The following CD226 variants were observed in gnomAD, a reference collection of about 807,000 sequenced individuals.
CD226 encodes CD226 antigen.
CD226 carries 24 observed loss-of-function variants against 34.9 expected under a neutral mutation model. The ratio of observed to expected loss-of-function variants is 0.69; its 90% CI spans 0.50 to 0.97. The LOEUF (loss-of-function observed/expected upper bound fraction) is 0.97, where lower values mean the gene tolerates loss of function less well. Ranked by LOEUF, CD226 falls within the 50% of genes least tolerant of loss-of-function variation. The probability of loss-of-function intolerance (pLI) is 0.00; values close to 1 mark genes in which losing one functional copy is unlikely to be tolerated. For synonymous variants in CD226, 148 were observed against 147.4 expected (o/e 1.00, Z -0.03); for missense variants, 397 against 412.7 (o/e 0.96, Z 0.33).
intron 2 of CD226, among the ~76,000 whole-genome samples, chr18:69,938,511 G>T (rs552163031): frequency 3.3e-5 from 5 of 152,150 alleles, no homozygotes; most frequent in Non-Finnish European, 7.3e-5. Context: ...CTGGTTTGTT[G>T]TTCCATAATT....
At chr18:69,922,787 C>T (rs970317261) in intron 2 of CD226, among the ~76,000 whole-genome samples, 1 of 152,136 alleles carries the variant, frequency 6.6e-6, no homozygotes, top group African/African-American at 2.4e-5. Context: ...ATACAGCTTT[C>T]AAGTAGTGAG....
chr18:69,896,609 C>A (rs1409765922), intron 2 of CD226, among the ~76,000 whole-genome samples: 1 of 152,070 alleles, frequency 6.6e-6, no homozygotes, highest in Admixed American at 6.5e-5. Flanking sequence ...ACTTGGTTAA[C>A]CATGTAGTGA....
At position 69,901,878 on chromosome 18, in the gene CD226, C is replaced by CA. The variant is rs372625212; in HGVS notation, c.383-5834dup. ...TGGGCGACAGAGCAAGACTCTGACT[C>CA]AAAAAAAAAAAAAAAAGTATTTGTT... On this transcript the variant is annotated intron_variant, in intron 2 of 5. Transcript: ENST00000582621. 4.7e-3 allele frequency among the ~76,000 whole-genome samples: 518 copies of CA among 109,418 alleles called. 3 individuals carry two copies. Among genetic ancestry groups the CA allele is most frequent in the Middle Eastern group, 0.015 (3 of 194 alleles). The allele number at this position is 109,418 out of a possible 152,430, so 71.8% of individuals were successfully genotyped here.
intron 2 of CD226, among the ~76,000 whole-genome samples, chr18:69,922,154 GTTT>G (rs1355005177): frequency 6.6e-6 from 1 of 152,064 alleles, no homozygotes; most frequent in Admixed American, 6.5e-5. Context: ...TATTGCAAAT[GTTT>G]TTATTTTTTC....
rs529794094 is a variant in CD226, at chr18:69,900,492, C to T, written c.383-4447G>A. Reference sequence around the variant, plus strand: ...TCACGCCTGTAATCCCAGCACTTTGCGAGGCCGAGGCGGGCGGATCACGAG... The same window carrying T: ...TCACGCCTGTAATCCCAGCACTTTGTGAGGCCGAGGCGGGCGGATCACGAG... On this transcript the variant is annotated intron_variant, in intron 2 of 5. Coordinates refer to ENST00000582621, the MANE Select transcript of CD226 (RefSeq NM_001303618.2). Among the ~76,000 whole-genome samples the T allele has an allele frequency of 2.9e-3, 433 of 151,484 alleles. 2 individuals carry two copies. The highest frequency in any genetic ancestry group is 9.4e-3 in the African/African-American group (386 of 41,248).
chr18:69,950,259 G>GTC (rs541981361), upstream of CD226, among the ~76,000 whole-genome samples: 54 of 151,064 alleles, frequency 3.6e-4, no homozygotes, highest in South Asian at 8.6e-3. Flanking sequence ...CACACACTCT[G>GTC]TCTCTCTCTC....
intron 4 of CD226, among the ~76,000 whole-genome samples, chr18:69,871,624 T>A (rs12455361): frequency 0.4 from 60,914 of 151,978 alleles, 12,434 homozygotes; most frequent in Middle Eastern, 0.52. Flanking sequence ...GGACAGGTGT[T>A]TCACACCTTG....
chr18:69,950,879 C>A (rs530532120), upstream of CD226, among the ~76,000 whole-genome samples: 1 of 151,984 alleles, frequency 6.6e-6, no homozygotes, highest in Non-Finnish European at 1.5e-5. Flanking sequence ...TCACTCCTAG[C>A]AGTACTGTAC....
chr18:69,932,890 T>C (rs766997396), intron 2 of CD226, among the ~76,000 whole-genome samples: 1 of 152,180 alleles, frequency 6.6e-6, no homozygotes, highest in African/African-American at 2.4e-5. Flanking sequence ...GAGCTTGAGA[T>C]GAGGGACTGG....
chr18:69,901,512 G>T (rs1251075563), intron 2 of CD226, among the ~76,000 whole-genome samples: 1 of 152,138 alleles, frequency 6.6e-6, no homozygotes, highest in Non-Finnish European at 1.5e-5. Flanking sequence ...CTATATACTG[G>T]TCACAGGGGA....
At chr18:69,953,914 C>T (rs962220908) in intron 1 of CD226, among the ~76,000 whole-genome samples, 2 of 151,314 alleles carry the variant, frequency 1.3e-5, no homozygotes, top group East Asian at 1.9e-4. Context: ...ACAGGAGAAT[C>T]GCTTGAACCC....
chr18:69,941,373 C>T (rs968170291), intron 2 of CD226, among the ~76,000 whole-genome samples: 2 of 152,178 alleles, frequency 1.3e-5, no homozygotes, highest in African/African-American at 4.8e-5. Context: ...GCCACAGACA[C>T]TCAACACCAG....
chr18:69,951,948 C>G (rs1044263282), upstream of CD226, among the ~76,000 whole-genome samples: 1 of 152,150 alleles, frequency 6.6e-6, no homozygotes, highest in Non-Finnish European at 1.5e-5. Flanking sequence ...GAAAAGAAAT[C>G]ATTATATTAA....
At chr18:69,896,069 A>T (rs368626956) in intron 2 of CD226, 24 bp from the exon 3 acceptor site, 1 of 1,586,150 alleles carries the variant, frequency 6.3e-7, no homozygotes, top group South Asian at 1.1e-5. Flanking sequence ...GCAAATGATT[A>T]GATACAGGTT....
intron 3 of CD226, among the ~76,000 whole-genome samples, chr18:69,889,306 C>T (rs1984745429): frequency 2.0e-5 from 3 of 152,114 alleles, no homozygotes. Context: ...CTGTCATGGA[C>T]ATTTTACTTT....
chr18:69,872,992 A>G (rs1473456942), intron 4 of CD226, 152 bp downstream of exon 4: 1 of 572,860 alleles, frequency 1.7e-6, no homozygotes, highest in African/African-American at 2.0e-5. Flanking sequence ...CTCTCCCTGT[A>G]ACATTACCAC....
chr18:69,953,116 T>C (rs1243928661), intron 1 of CD226, among the ~76,000 whole-genome samples: 1 of 151,978 alleles, frequency 6.6e-6, no homozygotes, highest in Non-Finnish European at 1.5e-5. Flanking sequence ...TGCACAAGCG[T>C]TGTAAAGAAA....
At chr18:69,895,676 CAGA>C in intron 3 of CD226, 22 bp downstream of exon 3, 1 of 1,569,466 alleles carries the variant, frequency 6.4e-7, no homozygotes, top group Non-Finnish European at 8.8e-7. Context: ...TGTTTGATAC[CAGA>C]AGATGTCTGG....
At chr18:69,905,150 A>C (rs1022874655) in intron 2 of CD226, among the ~76,000 whole-genome samples, 21 of 152,176 alleles carry the variant, frequency 1.4e-4, no homozygotes, top group African/African-American at 5.1e-4. Context: ...AGCCAGTCTC[A>C]AACCAGCCCT....
Sources: allele counts gnomAD v4.1 joint callset (sites outside exome capture counted in the v4.1 genomes callset), GRCh38; gene constraint gnomAD v4.1.1; transcripts MANE v1.5; gene names NCBI Gene and HGNC (gene_info 2026-07-23, HGNC 2026-07-21).